The following CPQ variants were observed in gnomAD, a reference collection of about 807,000 sequenced individuals.
The protein encoded by CPQ is carboxypeptidase Q.
In CPQ, 37 loss-of-function variants were observed where a neutral mutation model predicts 45.7. That is an observed-to-expected ratio of 0.81 (90% CI 0.62 to 1.07). CPQ has a LOEUF of 1.07. Among genes scored for constraint, CPQ ranks in the 50% least tolerant of loss-of-function variants. The pLI, the probability that CPQ is intolerant of heterozygous loss-of-function variation, is 0.00. For synonymous variants in CPQ, 186 were observed against 205.8 expected, an observed-to-expected ratio of 0.90 and a Z score of 0.82; for missense variants, 537 against 572.9, an observed-to-expected ratio of 0.94 and a Z score of 0.64.
chr8:96,818,320 G>T (rs207469582), intron 2 of CPQ, among the ~76,000 whole-genome samples: 1 of 151,820 alleles, frequency 6.6e-6, no homozygotes, highest in Non-Finnish European at 1.5e-5. Flanking sequence ...TGTAGTTCGT[G>T]GTGCTCCAAA....
rs1018346985 is a variant in CPQ at position 96,712,962 on chromosome 8, T to A, written c.-35+67560T>A. ...TCTTGATCGCTTTGCCCCTTAGGAG[T>A]TTTTTCTGCCAAGTACGCTAGATCA... On this transcript the variant is annotated intron_variant, in intron 1 of 7. Coordinates refer to ENST00000220763, the MANE Select transcript of CPQ (RefSeq NM_016134.4). Among the ~76,000 whole-genome samples the A allele has an allele frequency of 3.1e-4, 47 of 151,728 alleles. 1 individual carries two copies. Among genetic ancestry groups the A allele is most frequent in the African/African-American group, 1.1e-3 (46 of 41,344 alleles).
At chr8:96,877,967 CT>C (rs879391334) in intron 3 of CPQ, among the ~76,000 whole-genome samples, 36 of 147,614 alleles carry the variant, frequency 2.4e-4, no homozygotes, top group East Asian at 3.9e-4. Flanking sequence ...CTTTTCTTTT[CT>C]TTTTTTTTTT....
intron 4 of CPQ, among the ~76,000 whole-genome samples, chr8:96,926,623 C>CTTCTTCTTCTTCTTCTTCTTCTTCTTCT (rs1554578093): frequency 7.9e-6 from 1 of 125,968 alleles, no homozygotes; most frequent in Non-Finnish European, 1.6e-5. Flanking sequence ...TCTTCTTCTT[C>CTTCTTCTTCTTCTTCTTCTTCTTCTTCT]TCCTCCTTCT....
chr8:97,085,349 A>C (rs972202487), intron 7 of CPQ, among the ~76,000 whole-genome samples: 1 of 151,750 alleles, frequency 6.6e-6, no homozygotes, highest in African/African-American at 2.4e-5. Context: ...ATGCCACTGC[A>C]CTCCAGCCTG....
intron 4 of CPQ, among the ~76,000 whole-genome samples, chr8:96,947,416 T>C (rs1813205910): frequency 6.6e-6 from 1 of 152,188 alleles, no homozygotes; most frequent in Admixed American, 6.5e-5. Flanking sequence ...CTACTATTGG[T>C]CTGTATGACT....
intron 1 of CPQ, among the ~76,000 whole-genome samples, chr8:96,681,055 G>A (rs187654416): frequency 2.8e-3 from 423 of 152,186 alleles, no homozygotes; most frequent in Non-Finnish European, 4.4e-3. Context: ...GTTTTAAAAG[G>A]GAAACAGAGC....
chr8:96,988,456 T>C (rs1809030862), intron 5 of CPQ, among the ~76,000 whole-genome samples: 1 of 152,238 alleles, frequency 6.6e-6, no homozygotes, highest in South Asian at 2.1e-4. Flanking sequence ...TGTAAGCAGA[T>C]GATTTAATTT....
chr8:97,039,412 AT>A (rs547650811), intron 6 of CPQ, among the ~76,000 whole-genome samples: 19 of 149,452 alleles, frequency 1.3e-4, no homozygotes, highest in African/African-American at 3.2e-4. Context: ...TTTCTTTTTT[AT>A]TTTTTTTAAT....
At chr8:96,903,624 T>C (rs1247858395) in intron 4 of CPQ, among the ~76,000 whole-genome samples, 1 of 152,194 alleles carries the variant, frequency 6.6e-6, no homozygotes, top group African/African-American at 2.4e-5. Context: ...AAGTGCTTTA[T>C]GTATATTTTC....
rs542068889 is a variant in CPQ at position 96,787,755 on chromosome 8, T to C, written c.433+2425T>C. On this transcript the variant is annotated intron_variant, in intron 2 of 7. Coordinates refer to ENST00000220763, the MANE Select transcript of CPQ (RefSeq NM_016134.4). ...AGTTTCTTTACTTGTCTAATCAGAT[T>C]TTCAGTTTCTTCTTGAGTCAGTTTT... Among the ~76,000 whole-genome samples, 10 of 151,886 alleles carry C rather than the reference T, an allele frequency of 6.6e-5. No individual in the cohort carries two copies. The East Asian group carries it at 1.9e-3, about 29-fold the overall frequency.
At chr8:96,906,005 A>G (rs918175980) in intron 4 of CPQ, among the ~76,000 whole-genome samples, 3 of 152,186 alleles carry the variant, frequency 2.0e-5, no homozygotes, top group Non-Finnish European at 4.4e-5. Flanking sequence ...TGTCTAGAAT[A>G]ATACTCTGCT....
chr8:97,065,996 C>T lies in CPQ; in HGVS notation c.1054-13C>T, dbSNP rs192640065. The T allele has an allele frequency of 1.6e-5, 25 of 1,608,868 alleles. No individual in the cohort carries two copies. The highest frequency in any genetic ancestry group is 2.1e-4 in the Middle Eastern group (1 of 4,682). ...CAACAGATAAGAACCAAACAATTTTCTCTTGTGTTTAGGTAAATATTTCCA... is the reference window on the plus strand; with the variant it reads ...CAACAGATAAGAACCAAACAATTTTTTCTTGTGTTTAGGTAAATATTTCCA... On this transcript the variant is annotated splice_polypyrimidine_tract_variant and intron_variant, in intron 6 of 7. Coordinates refer to ENST00000220763, the MANE Select transcript of CPQ (RefSeq NM_016134.4).
At position 96,741,151 on chromosome 8, in the gene CPQ, C is replaced by A. The variant is rs528469150; in HGVS notation, c.-34-43713C>A. 3.3e-5 allele frequency among the ~76,000 whole-genome samples: 5 copies of A among 152,214 alleles called. No individual in the cohort carries two copies. The East Asian group carries it at 7.7e-4, about 23-fold the overall frequency. ...CTATTGATTATTGCCACAATTTCAG[C>A]TCCTGTTATTGGTCTATTCAGAGAT... On this transcript the variant is annotated intron_variant, in intron 1 of 7. Transcript: ENST00000220763.
intron 7 of CPQ, among the ~76,000 whole-genome samples, chr8:97,095,624 A>C (rs1403798191): frequency 6.6e-6 from 1 of 152,166 alleles, no homozygotes; most frequent in Non-Finnish European, 1.5e-5. Context: ...TGGGTTTTTC[A>C]TGTGGACTTA....
At chr8:97,095,754 G>A (rs552829197) in intron 7 of CPQ, among the ~76,000 whole-genome samples, 5 of 152,242 alleles carry the variant, frequency 3.3e-5, no homozygotes, top group East Asian at 3.9e-4. Flanking sequence ...CACAGAGAGC[G>A]TCTTAACACA....
intron 1 of CPQ, among the ~76,000 whole-genome samples, chr8:96,731,164 C>G (rs982652519): frequency 5.3e-5 from 8 of 152,012 alleles, no homozygotes; most frequent in Admixed American, 2.0e-4. Context: ...CCATCTACAT[C>G]TAGAACTCTG....
chr8:96,793,069 A>G (rs1810871464), intron 2 of CPQ, among the ~76,000 whole-genome samples: 1 of 151,504 alleles, frequency 6.6e-6, no homozygotes, highest in South Asian at 2.1e-4. Context: ...TGAGTCCCTC[A>G]ATAAGATTTG....
At chr8:96,737,403 G>A (rs1465719370) in intron 1 of CPQ, among the ~76,000 whole-genome samples, 2 of 133,536 alleles carry the variant, frequency 1.5e-5, no homozygotes, top group East Asian at 4.5e-4. Flanking sequence ...ATGATTACAA[G>A]GTCCCACAAT....
intron 5 of CPQ, among the ~76,000 whole-genome samples, chr8:97,013,479 T>C (rs191303075): frequency 6.7e-4 from 102 of 152,306 alleles, no homozygotes; most frequent in African/African-American, 2.4e-3. Flanking sequence ...GTGTGAAAAC[T>C]ACATTAATCA....
Sources: gnomAD v4.1 joint callset for allele counts (sites outside exome capture counted in the v4.1 genomes callset) on GRCh38, gnomAD v4.1.1 for gene constraint, MANE v1.5 for transcripts, NCBI Gene and HGNC (gene_info 2026-07-23, HGNC 2026-07-21) for gene names.